IQSEC1: variants seen among roughly 807,000 people sequenced by gnomAD.
The protein encoded by IQSEC1 is IQ motif and SEC7 domain-containing protein 1.
In IQSEC1, 31 loss-of-function variants were observed where a neutral mutation model predicts 91.0. The observed-to-expected ratio is 0.34, with a 90% CI of 0.26 to 0.46. The LOEUF (loss-of-function observed/expected upper bound fraction) is 0.46, where lower values mean the gene tolerates loss of function less well. Among genes scored for constraint, IQSEC1 ranks in the 20% least tolerant of loss-of-function variants. IQSEC1 has a pLI of 1.00. For missense variants in IQSEC1, 1,388 were observed against 1,575.6 expected (o/e 0.88, Z 2.02); for synonymous variants, 699 against 662.6 (o/e 1.05, Z -0.84).
intron 2 of IQSEC1, among the ~76,000 whole-genome samples, chr3:13,158,867 C>A (rs1249568213): frequency 6.6e-6 from 1 of 151,974 alleles, no homozygotes; most frequent in East Asian, 1.9e-4. Flanking sequence ...GAGGCTGAGG[C>A]ACGAGAATCG....
intron 1 of IQSEC1, among the ~76,000 whole-genome samples, chr3:13,178,945 C>A (rs543839210): frequency 6.6e-6 from 1 of 152,314 alleles, no homozygotes; most frequent in East Asian, 1.9e-4. Flanking sequence ...AAAAAAGTAT[C>A]AAAGAACTGA....
intron 2 of IQSEC1, among the ~76,000 whole-genome samples, chr3:13,087,513 T>A (rs360747): frequency 0.06 from 9,114 of 152,166 alleles, 339 homozygotes; most frequent in African/African-American, 0.086. Flanking sequence ...CGTGAATCAA[T>A]CCCAAACCTT....
chr3:13,272,772 G>T (rs1306155244), intron 1 of IQSEC1, among the ~76,000 whole-genome samples: 2 of 152,148 alleles, frequency 1.3e-5, no homozygotes, highest in African/African-American at 2.4e-5. Flanking sequence ...TTGTCGGGGA[G>T]GCCCTAATTC....
chr3:12,921,273 C>T (rs1263460485), intron 5 of IQSEC1, among the ~76,000 whole-genome samples: 2 of 152,154 alleles, frequency 1.3e-5, no homozygotes, highest in South Asian at 2.1e-4. Flanking sequence ...GTGCCCTCCC[C>T]TCCAGGAAGC....
intron 1 of IQSEC1, among the ~76,000 whole-genome samples, chr3:13,260,488 A>G (rs1243626376): frequency 2.0e-5 from 3 of 152,144 alleles, no homozygotes; most frequent in Non-Finnish European, 2.9e-5. Flanking sequence ...CTCATCTTTC[A>G]CTGAGTGACA....
At chr3:12,926,184 C>T (rs1267644030) in intron 3 of IQSEC1, among the ~76,000 whole-genome samples, 1 of 152,152 alleles carries the variant, frequency 6.6e-6, no homozygotes, top group Non-Finnish European at 1.5e-5. Flanking sequence ...GTATCTCACA[C>T]CTATAATCCC....
chr3:13,116,422 A>T (rs891732165), intron 2 of IQSEC1, among the ~76,000 whole-genome samples: 1 of 152,246 alleles, frequency 6.6e-6, no homozygotes, highest in Non-Finnish European at 1.5e-5. Context: ...CAAAACAGAC[A>T]GACTAGAATA....
chr3:13,220,518 C>T (rs190859852), intron 1 of IQSEC1, among the ~76,000 whole-genome samples: 16 of 152,366 alleles, frequency 1.1e-4, no homozygotes, highest in Admixed American at 9.1e-4. Context: ...CCCTCAAAGG[C>T]AAGGCTTCTG....
chr3:13,018,937 C>T (rs911776826), intron 1 of IQSEC1, among the ~76,000 whole-genome samples: 6 of 152,308 alleles, frequency 3.9e-5, no homozygotes, highest in South Asian at 2.1e-4. Context: ...CACTTCATCA[C>T]GTTATCCCCC....
chr3:12,958,692 G>T (rs1700068322), intron 1 of IQSEC1, among the ~76,000 whole-genome samples: 1 of 152,222 alleles, frequency 6.6e-6, no homozygotes, highest in Non-Finnish European at 1.5e-5. Context: ...CACGAGGGGT[G>T]CCTGGCTGGG....
intron 1 of IQSEC1, among the ~76,000 whole-genome samples, chr3:13,275,183 C>G (rs748442688): frequency 1.3e-5 from 2 of 152,216 alleles, no homozygotes; most frequent in Non-Finnish European, 2.9e-5. Context: ...AAGAATGTGC[C>G]CAGCAGGCAG....
chr3:13,106,878 T>C (rs1706161219), intron 2 of IQSEC1, among the ~76,000 whole-genome samples: 1 of 152,246 alleles, frequency 6.6e-6, no homozygotes, highest in African/African-American at 2.4e-5. Flanking sequence ...CCAAAATACA[T>C]CATTTTAAGA....
At chr3:13,164,140 C>G (rs11920930) in intron 1 of IQSEC1, among the ~76,000 whole-genome samples, 1 of 152,178 alleles carries the variant, frequency 6.6e-6, no homozygotes, top group African/African-American at 2.4e-5. Context: ...AGACCTGCAA[C>G]GAGAAGAGCA....
intron 1 of IQSEC1, among the ~76,000 whole-genome samples, chr3:12,973,476 G>A (rs1701006246): frequency 6.6e-6 from 1 of 152,086 alleles, no homozygotes; most frequent in East Asian, 1.9e-4. Context: ...AGGGAACATT[G>A]CGCTCCATGC....
chr3:13,122,513 A>G (rs1348657205), intron 2 of IQSEC1, among the ~76,000 whole-genome samples: 1 of 150,192 alleles, frequency 6.7e-6, no homozygotes, highest in Non-Finnish European at 1.5e-5. Flanking sequence ...GAAGGCAGGG[A>G]GGGAGGGAGG....
At position 13,045,313 on chromosome 3, in the gene IQSEC1, C is replaced by T. The variant is rs542844007; in HGVS notation, c.23+27679G>A. Among the ~76,000 whole-genome samples, 252 of 152,314 alleles carry T rather than the reference C, an allele frequency of 1.7e-3. 1 individual carries two copies. The highest frequency in any genetic ancestry group is 6.8e-3 in the Middle Eastern group (2 of 294). The stretch of plus-strand genomic sequence containing the variant: ...GACACGTTATGTTAAAAACCAGTTT[C>T]TTTTTCTGCTTGCTGCCTGTGCTCC... On this transcript the variant is annotated intron_variant, in intron 1 of 13. Transcript: ENST00000613206.
Position 13,051,612 on chromosome 3 carries a change from T to C in IQSEC1, c.23+21380A>G, listed in dbSNP as rs535070059. On this transcript the variant is annotated intron_variant, in intron 1 of 13. Transcript: ENST00000613206. ...TCTGTACATATATAATAATTCAGTA[T>C]CAATTTACACGAAGACAAAAACCAA... Among the ~76,000 whole-genome samples the C allele has an allele frequency of 1.1e-4, 16 of 152,278 alleles. No individual in the cohort carries two copies. The East Asian group carries it at 3.1e-3, about 29-fold the overall frequency.
chr3:13,063,957 T>C lies in IQSEC1; in HGVS notation c.23+9035A>G, dbSNP rs146040875. 5.2e-3 allele frequency among the ~76,000 whole-genome samples: 795 copies of C among 151,880 alleles called. 9 individuals are homozygous for C. The highest frequency in any genetic ancestry group is 0.014 in the South Asian group (69 of 4,814). Reference sequence around the variant, plus strand: ...GATACCCACCCTCACCTTTTAAAAATTAAACTTTTTATTTTGAGATAATCG... The same window carrying C: ...GATACCCACCCTCACCTTTTAAAAACTAAACTTTTTATTTTGAGATAATCG... On this transcript the variant is annotated intron_variant, in intron 1 of 13. Transcript: ENST00000613206.
chr3:13,233,649 C>T (rs1682492265), intron 1 of IQSEC1, among the ~76,000 whole-genome samples: 1 of 152,202 alleles, frequency 6.6e-6, no homozygotes, highest in Admixed American at 6.5e-5. Context: ...GCCTGACTGT[C>T]CTCACAGCCG....
Sources: allele counts gnomAD v4.1 joint callset (sites outside exome capture counted in the v4.1 genomes callset), GRCh38; gene constraint gnomAD v4.1.1; transcripts MANE v1.5; gene names NCBI Gene and HGNC (gene_info 2026-07-23, HGNC 2026-07-21).